ADAMTS2: variants seen among roughly 807,000 people sequenced by gnomAD.
The protein encoded by ADAMTS2 is ADAM metallopeptidase with thrombospondin type 1 motif 2.
Under a neutral mutation model 123.0 loss-of-function variants are expected in ADAMTS2, and 50 were observed. That is an observed-to-expected ratio of 0.41 (90% CI 0.32 to 0.51). The LOEUF (loss-of-function observed/expected upper bound fraction) is 0.51, where lower values mean the gene tolerates loss of function less well. Ranked by LOEUF, ADAMTS2 falls within the 20% of genes least tolerant of loss-of-function variation. The pLI, the probability that ADAMTS2 is intolerant of heterozygous loss-of-function variation, is 0.35. For missense variants in ADAMTS2, 1,494 were observed against 1,705.2 expected (o/e 0.88, Z 2.18); for synonymous variants, 678 against 695.4 (o/e 0.98, Z 0.39).
intron 12 of ADAMTS2, among the ~76,000 whole-genome samples, chr5:179,136,346 G>A (rs974025197): frequency 6.6e-6 from 1 of 152,154 alleles, no homozygotes; most frequent in African/African-American, 2.4e-5. Flanking sequence ...GGCTGCAAAT[G>A]TCTGTTTGCT....
chr5:179,329,173 A>C (rs1027241354), intron 2 of ADAMTS2, among the ~76,000 whole-genome samples: 1 of 152,180 alleles, frequency 6.6e-6, no homozygotes. Flanking sequence ...TAAAAATACA[A>C]AAAATTAGCC....
chr5:179,188,051 G>T lies in ADAMTS2; in HGVS notation c.892-6896C>A, dbSNP rs1764216365. On this transcript the variant is annotated intron_variant, in intron 4 of 21. Coordinates refer to ENST00000251582, the MANE Select transcript of ADAMTS2 (RefSeq NM_014244.5). This position sits in a 1 kb window ranked among gnomAD's most constrained non-coding sequence, Gnocchi z 5.1. ...GGTGGGGGAGGGGTGCAGAAAGGGG[G>T]GAACCGGTGCAGGCTCCCTACTGGG... is the stretch of plus-strand genomic sequence containing the variant. Among the ~76,000 whole-genome samples the T allele has an allele frequency of 6.6e-6, 1 of 152,016 alleles. No homozygotes were observed. The highest frequency in any genetic ancestry group is 2.4e-5 in the African/African-American group (1 of 41,414).
chr5:179,310,963 G>A (rs1367890230), intron 2 of ADAMTS2, among the ~76,000 whole-genome samples: 4 of 151,980 alleles, frequency 2.6e-5, no homozygotes, highest in Admixed American at 2.6e-4. Flanking sequence ...CCACTTGCCG[G>A]CTGGGTCCTC....
chr5:179,145,488 T>G (rs1763236077), intron 10 of ADAMTS2, among the ~76,000 whole-genome samples: 1 of 152,168 alleles, frequency 6.6e-6, no homozygotes, highest in Admixed American at 6.5e-5. Flanking sequence ...AACTAATAAA[T>G]GATGAATACC....
In ADAMTS2 at chr5:179,158,607, C is replaced by T; in HGVS notation, c.1132+116G>A. ...CCTCACCCAGCTAAGGTGGCCACGGCCTTCCCTGCCCTGACACTCTTCCCT... is the reference window on the plus strand; with the variant it reads ...CCTCACCCAGCTAAGGTGGCCACGGTCTTCCCTGCCCTGACACTCTTCCCT... On this transcript the variant is annotated intron_variant, in intron 6 of 21. Coordinates refer to ENST00000251582, the MANE Select transcript of ADAMTS2 (RefSeq NM_014244.5). The surrounding 1 kb of genome is among the most constrained non-coding windows in gnomAD (Gnocchi z 5.0). The T allele has an allele frequency of 7.0e-7, 1 of 1,435,992 alleles. No individual in the cohort carries two copies. The highest frequency in any genetic ancestry group is 9.7e-7 in the Non-Finnish European group (1 of 1,031,026). 89.0% of individuals were successfully genotyped at this position (1,435,992 alleles called of 1,614,324 possible). A position where few individuals can be genotyped will look rare whatever the true frequency, so the allele number is the denominator to read the frequency against.
rs1290144161 is a variant in ADAMTS2, at chr5:179,130,093, T to C, written c.2296A>G (p.Lys766Glu). 2 of 1,613,878 alleles carry C rather than the reference T, an allele frequency of 1.2e-6. No homozygotes were observed. Among genetic ancestry groups the C allele is most frequent in the South Asian group, 1.1e-5 (1 of 91,090 alleles). ...ATGAACTTGCCTGTCTCCAGGTTCT[T>C]GACGGCTGAGAATGGCAAGACCAAG... The part of the protein sequence containing the change: ...VDATSHHLAV[K>E]NLETGKFILN... Residue 766 changes from lysine to glutamate, a missense_variant, in exon 16 of 22, where the codon AAG becomes GAG. By Grantham distance (56) the Lys-to-Glu change is moderately conservative. This residue lies in a region of ADAMTS2 where 953 missense variants were observed against 1,124.7 expected (regional missense o/e 0.85). Coordinates refer to ENST00000251582, the MANE Select transcript of ADAMTS2 (RefSeq NM_014244.5). The surrounding 1 kb of genome is among the most constrained non-coding windows in gnomAD (Gnocchi z 4.3).
intron 9 of ADAMTS2, among the ~76,000 whole-genome samples, 160 bp downstream of exon 9, chr5:179,153,331 G>T (rs1015752850): frequency 6.6e-6 from 1 of 152,162 alleles, no homozygotes; most frequent in Non-Finnish European, 1.5e-5. Context: ...TGCCTAGGGG[G>T]TGGGGAGTGG....
intron 2 of ADAMTS2, among the ~76,000 whole-genome samples, chr5:179,294,343 C>A (rs1756273010): frequency 1.3e-5 from 2 of 152,236 alleles, no homozygotes; most frequent in South Asian, 4.1e-4. Context: ...GAAACACGTC[C>A]AGCCAGCCAA....
chr5:179,321,931 T>C (rs1205417897), intron 2 of ADAMTS2, among the ~76,000 whole-genome samples: 1 of 152,196 alleles, frequency 6.6e-6, no homozygotes, highest in Non-Finnish European at 1.5e-5. Context: ...TTATGCTGCC[T>C]CTATTGAAAG....
intron 3 of ADAMTS2, among the ~76,000 whole-genome samples, chr5:179,216,096 G>A (rs957501230): frequency 2.0e-5 from 3 of 152,192 alleles, no homozygotes; most frequent in South Asian, 2.1e-4. Context: ...TATAGAAAAC[G>A]GAAGCCCAAC....
At position 179,153,628 on chromosome 5, in the gene ADAMTS2, G is replaced by A. The variant is rs1447276433; in HGVS notation, c.1383-5C>T. ...TCCAGCAGGCAGTCATAGGAGCTGT[G>A]GGGGACACACGGTGCCGCGAGCAGC... is the stretch of plus-strand genomic sequence containing the variant. On this transcript the variant is annotated splice_polypyrimidine_tract_variant and splice_region_variant and intron_variant, in intron 8 of 21. Transcript: ENST00000251582. 1 of 1,601,212 alleles carries A rather than the reference G, an allele frequency of 6.2e-7. No homozygotes were observed. Among genetic ancestry groups the A allele is most frequent in the African/African-American group, 1.3e-5 (1 of 74,910 alleles).
rs1404157581 is a variant in ADAMTS2 at position 179,228,655 on chromosome 5, G to A, written c.689-20940C>T. ...TGCCCCCAGCCCCAGAACCCACCAT[G>A]CGCGGCTGGGCCGACTGTGCCTGCC... On this transcript the variant is annotated intron_variant, in intron 3 of 21. Coordinates refer to ENST00000251582, the MANE Select transcript of ADAMTS2 (RefSeq NM_014244.5). The surrounding 1 kb of genome is among the most constrained non-coding windows in gnomAD (Gnocchi z 5.2). Among the ~76,000 whole-genome samples, 2 of 152,248 alleles carry A rather than the reference G, an allele frequency of 1.3e-5. No homozygotes were observed. Among genetic ancestry groups the A allele is most frequent in the African/African-American group, 4.8e-5 (2 of 41,468 alleles).
At chr5:179,134,413 G>C (rs2113209343) in intron 13 of ADAMTS2, among the ~76,000 whole-genome samples, 1 of 152,226 alleles carries the variant, frequency 6.6e-6, no homozygotes, top group East Asian at 1.9e-4. Context: ...ACTCATCCCA[G>C]GGTTGGGTAC....
rs1047316770 is a variant in ADAMTS2, at chr5:179,128,266, T to G, written c.2458-148A>C. The G allele has an allele frequency of 8.2e-6, 8 of 978,680 alleles. No individual in the cohort carries two copies. Among genetic ancestry groups the G allele is most frequent in the Non-Finnish European group, 1.2e-5 (8 of 641,702 alleles). 60.6% of individuals were successfully genotyped at this position (978,680 alleles called of 1,614,324 possible). On this transcript the variant is annotated intron_variant, in intron 16 of 21. Transcript: ENST00000251582. The surrounding 1 kb of genome is among the most constrained non-coding windows in gnomAD (Gnocchi z 4.9). ...CATGAAGTCGCCCCGAGCACCAAAT[T>G]CTTGAATAGGGAGCCATTACCCCAG...
intron 2 of ADAMTS2, among the ~76,000 whole-genome samples, chr5:179,280,621 A>G (rs1175991969): frequency 1.3e-5 from 2 of 152,156 alleles, no homozygotes; most frequent in African/African-American, 2.4e-5. Context: ...AAGGCCTTCC[A>G]TGGGGTCCCA....
chr5:179,174,179 T>C (rs1479162930), intron 5 of ADAMTS2, among the ~76,000 whole-genome samples: 2 of 152,162 alleles, frequency 1.3e-5, no homozygotes, highest in Non-Finnish European at 2.9e-5. Context: ...ATAAATGGTG[T>C]ATTATTTATT....
intron 4 of ADAMTS2, among the ~76,000 whole-genome samples, chr5:179,204,699 G>A (rs1325358448): frequency 6.6e-6 from 1 of 152,230 alleles, no homozygotes; most frequent in Admixed American, 6.5e-5. Flanking sequence ...TCAGGGCAAT[G>A]CCATGCTCCA....
At position 179,130,750 on chromosome 5, in the gene ADAMTS2, C is replaced by T. The variant is rs536346256; in HGVS notation, c.2291-652G>A. ...GGCAGCTGGGTGATGTGAGTGGGGC[C>T]GCAGACAGGGCACTAGTGAGAAAAT... On this transcript the variant is annotated intron_variant, in intron 15 of 21. Coordinates refer to ENST00000251582, the MANE Select transcript of ADAMTS2 (RefSeq NM_014244.5). This position sits in a 1 kb window ranked among gnomAD's most constrained non-coding sequence, Gnocchi z 4.3. 5.5e-4 allele frequency among the ~76,000 whole-genome samples: 84 copies of T among 152,196 alleles called. No homozygotes were observed. The Middle Eastern group carries it at 0.01, about 18-fold the overall frequency.
At chr5:179,226,853 A>G (rs1366562875) in intron 3 of ADAMTS2, among the ~76,000 whole-genome samples, 3 of 152,226 alleles carry the variant, frequency 2.0e-5, no homozygotes, top group Non-Finnish European at 2.9e-5. Context: ...GAAACGGTGA[A>G]AAGAAGTAAC....
Sources: gnomAD v4.1 joint callset for allele counts (sites outside exome capture counted in the v4.1 genomes callset) on GRCh38, gnomAD v4.1.1 for gene constraint, gnomAD v4.1.1 regional missense constraint, Gnocchi (gnomAD v3.1) non-coding constraint, MANE v1.5 for transcripts, NCBI Gene and HGNC (gene_info 2026-07-23, HGNC 2026-07-21) for gene names.